OCA2: variants seen among roughly 807,000 people sequenced by gnomAD.
OCA2 encodes OCA2 melanosomal transmembrane protein.
A neutral mutation model predicts 100.2 loss-of-function variants in OCA2; 77 were observed. That is an observed-to-expected ratio of 0.77 (90% CI 0.64 to 0.93). The LOEUF (loss-of-function observed/expected upper bound fraction) is 0.93, where lower values mean the gene tolerates loss of function less well. Ranked by LOEUF, OCA2 falls within the 40% of genes least tolerant of loss-of-function variation. OCA2 has a pLI of 0.00. For missense variants in OCA2, 1,062 were observed against 1,089.1 expected, an observed-to-expected ratio of 0.98 and a Z score of 0.35; for synonymous variants, 432 against 439.2, an observed-to-expected ratio of 0.98 and a Z score of 0.21.
the OCA2 span, among the ~76,000 whole-genome samples, chr15:27,745,846 C>T: frequency 0.012 from 1,863 of 152,284 alleles, 43 homozygotes; most frequent in African/African-American, 0.043. Context: ...CGATTCATTC[C>T]AGGTCTTTAG....
chr15:28,077,686 C>T (rs1365299487), intron 2 of OCA2, among the ~76,000 whole-genome samples: 1 of 152,192 alleles, frequency 6.6e-6, no homozygotes, highest in African/African-American at 2.4e-5. Flanking sequence ...AACTGCGACT[C>T]ACGTCCCAAT....
chr15:28,000,273 T>C (rs1358950798), intron 9 of OCA2, among the ~76,000 whole-genome samples: 2 of 152,044 alleles, frequency 1.3e-5, no homozygotes, highest in African/African-American at 4.8e-5. Context: ...TATAGACCAA[T>C]AGAACAGAAG....
chr15:27,910,670 AC>A (rs1454183758), intron 19 of OCA2, among the ~76,000 whole-genome samples: 2 of 150,584 alleles, frequency 1.3e-5, no homozygotes, highest in Non-Finnish European at 3.0e-5. Flanking sequence ...AAAAAAAAAA[AC>A]ATACGGCTGG....
chr15:27,987,660 G>T (rs1366271694), intron 11 of OCA2, among the ~76,000 whole-genome samples: 1 of 152,038 alleles, frequency 6.6e-6, no homozygotes, highest in South Asian at 2.1e-4. Flanking sequence ...ACCCAGGACG[G>T]GGAGCTTGCA....
In OCA2 at chr15:28,098,691, G is replaced by A. The variant is rs996681407; in HGVS notation, c.-22+533C>T. 5.3e-5 allele frequency among the ~76,000 whole-genome samples: 8 copies of A among 152,334 alleles called. No individual in the cohort carries two copies. The East Asian group carries it at 1.5e-3, about 29-fold the overall frequency. ...CTGCCTGGTTCTGCAAACCCAGAGC[G>A]TCCACATACCAGGCTTCCTGTGCTT... On this transcript the variant is annotated intron_variant, in intron 1 of 23. Transcript: ENST00000354638.
At chr15:27,789,208 T>C (rs916444098) in intron 23 of OCA2, among the ~76,000 whole-genome samples, 2 of 73,074 alleles carry the variant, frequency 2.7e-5, no homozygotes, top group African/African-American at 1.0e-4. Context: ...TTTTTTTTTC[T>C]GGGCGGGGGG....
At chr15:27,959,965 A>G (rs948429225) in intron 15 of OCA2, among the ~76,000 whole-genome samples, 7 of 152,112 alleles carry the variant, frequency 4.6e-5, no homozygotes, top group Admixed American at 6.5e-5. Context: ...TTCACCCAGA[A>G]CTCAGTTTAC....
chr15:27,986,641 C>T lies in OCA2; in HGVS notation c.1185G>A (p.Met395Ile). 2 of 1,574,744 alleles carry T rather than the reference C, an allele frequency of 1.3e-6. No homozygotes were observed. Among genetic ancestry groups the T allele is most frequent in the South Asian group, 2.2e-5 (2 of 90,438 alleles). The part of the protein sequence containing the change: ...FETLALLFGM[M>I]ILVAIFSETG... Reference sequence around the variant, plus strand: ...TTTCTGAAAATATGGCTACTAAGATCATCTATGGGGAAAAGAAGAAGACAA... The same window carrying T: ...TTTCTGAAAATATGGCTACTAAGATTATCTATGGGGAAAAGAAGAAGACAA... The change falls in exon 12 of 24, where the codon ATG becomes ATA. Residue 395 changes from methionine (M) to isoleucine (I), a missense_variant and splice_region_variant. Physicochemically the swap from Met to Ile is conservative, Grantham distance 10 (BLOSUM62 1). Coordinates refer to ENST00000354638, the MANE Select transcript of OCA2 (RefSeq NM_000275.3).
At chr15:28,007,045 G>C (rs1259348595) in intron 9 of OCA2, among the ~76,000 whole-genome samples, 1 of 152,166 alleles carries the variant, frequency 6.6e-6, no homozygotes, top group Non-Finnish European at 1.5e-5. Flanking sequence ...AAATATGAAA[G>C]GACCCAGAGC....
At position 27,920,682 on chromosome 15, in the gene OCA2, TAAGTA is replaced by T. The variant is rs368988061; in HGVS notation, c.2079+5440_2079+5444del. On this transcript the variant is annotated intron_variant, in intron 19 of 23. Transcript: ENST00000354638. Reference sequence around the variant, plus strand: ...TTGAAAAATGATAACAATGATGCATTAAGTAGAGAATATCACAAGGAAATAAAAAT... The same window carrying T: ...TTGAAAAATGATAACAATGATGCATTGAGAATATCACAAGGAAATAAAAAT... 1.2e-3 allele frequency among the ~76,000 whole-genome samples: 182 copies of T among 152,096 alleles called. 1 individual carries two copies. Among genetic ancestry groups the T allele is most frequent in the African/African-American group, 4.0e-3 (168 of 41,506 alleles).
intron 18 of OCA2, among the ~76,000 whole-genome samples, chr15:27,930,191 G>A (rs1595667942): frequency 2.0e-5 from 3 of 152,138 alleles, no homozygotes; most frequent in Non-Finnish European, 4.4e-5. Flanking sequence ...TGAACACGAT[G>A]TTTGCTGTAG....
intron 2 of OCA2, among the ~76,000 whole-genome samples, chr15:28,080,570 G>C (rs1838592675): frequency 6.6e-6 from 1 of 152,246 alleles, no homozygotes; most frequent in South Asian, 2.1e-4. Flanking sequence ...TTCAGTGAAA[G>C]CATGAGCACG....
chr15:27,746,865 G>T, the OCA2 span, among the ~76,000 whole-genome samples: 1 of 152,190 alleles, frequency 6.6e-6, no homozygotes, highest in South Asian at 2.1e-4. Flanking sequence ...TCCCTCTTTG[G>T]CCTACAGTCT....
chr15:27,815,541 T>C (rs2034264433), intron 23 of OCA2, among the ~76,000 whole-genome samples: 1 of 152,144 alleles, frequency 6.6e-6, no homozygotes, highest in African/African-American at 2.4e-5. Context: ...AAAGGGCAAT[T>C]TGGCAATATC....
intron 9 of OCA2, among the ~76,000 whole-genome samples, chr15:28,013,301 G>T (rs912796336): frequency 6.6e-6 from 1 of 152,138 alleles, no homozygotes. Flanking sequence ...AACAGAATAG[G>T]ATTTGTCAAC....
At chr15:27,826,773 C>T (rs1178145129) in intron 23 of OCA2, among the ~76,000 whole-genome samples, 1 of 152,220 alleles carries the variant, frequency 6.6e-6, no homozygotes, top group Non-Finnish European at 1.5e-5. Flanking sequence ...ATCGAGACTC[C>T]CCACTGCATG....
intron 9 of OCA2, among the ~76,000 whole-genome samples, chr15:28,005,756 G>A (rs151167344): frequency 5.3e-5 from 8 of 152,284 alleles, no homozygotes; most frequent in Non-Finnish European, 1.0e-4. Flanking sequence ...CCCTTTTGCC[G>A]TGTGAGGTCC....
intron 13 of OCA2, 146 bp from the exon 14 acceptor site, chr15:27,983,629 G>A: frequency 3.5e-6 from 3 of 865,016 alleles, no homozygotes; most frequent in Admixed American, 2.0e-5. Context: ...GTGCTGGGGG[G>A]AATGAACAAC....
chr15:27,965,963 G>T (rs1270553092), intron 15 of OCA2, among the ~76,000 whole-genome samples: 4 of 151,890 alleles, frequency 2.6e-5, no homozygotes, highest in Non-Finnish European at 4.4e-5. Context: ...CTGTTTGTTT[G>T]TTTGTTTGTT....
Sources: allele counts gnomAD v4.1 joint callset (sites outside exome capture counted in the v4.1 genomes callset), GRCh38; gene constraint gnomAD v4.1.1; transcripts MANE v1.5; gene names NCBI Gene and HGNC (gene_info 2026-07-23, HGNC 2026-07-21).